The following DMD variants were observed in gnomAD, a reference collection of about 807,000 sequenced individuals.
DMD encodes the protein dystrophin, also known as mutant dystrophin.
In DMD, 63 loss-of-function variants were observed where a neutral mutation model predicts 330.1. The ratio of observed to expected loss-of-function variants is 0.19; its 90% confidence interval spans 0.16 to 0.24. DMD has a LOEUF of 0.24. Among genes scored for constraint, DMD ranks in the 10% least tolerant of loss-of-function variants. The pLI is 1.00. For synonymous variants in DMD, 1,223 were observed against 959.8 expected, an observed-to-expected ratio of 1.27 and a Z score of -5.07; for missense variants, 3,344 against 2,684.1, an observed-to-expected ratio of 1.25 and a Z score of -5.43.
intron 7 of DMD, among the ~76,000 whole-genome samples, chrX:32,741,897 C>T (rs1038913376): frequency 7.2e-5 from 8 of 111,764 alleles, no homozygotes; most frequent in African/African-American, 3.3e-5. Flanking sequence ...AAGTTGAAGC[C>T]GCTTGATGTT....
At chrX:33,337,000 C>T (rs749836582) in intron 1 of DMD, among the ~76,000 whole-genome samples, 2 of 111,499 alleles carry the variant, frequency 1.8e-5, no homozygotes, top group Non-Finnish European at 3.8e-5. Flanking sequence ...AGCGTCTGTC[C>T]AATCCATTCA....
intron 44 of DMD, among the ~76,000 whole-genome samples, chrX:32,000,404 T>C (rs1383547315): frequency 8.9e-6 from 1 of 112,097 alleles, no homozygotes; most frequent in African/African-American, 3.2e-5. Context: ...AATGTTCAAA[T>C]AAAAAACAGT....
intron 2 of DMD, among the ~76,000 whole-genome samples, chrX:32,997,931 C>T (rs1019943883): frequency 4.5e-5 from 5 of 112,040 alleles, no homozygotes; most frequent in African/African-American, 9.8e-5. Flanking sequence ...TCTCAAAAAA[C>T]GTATTGTTCT....
intron 53 of DMD, among the ~76,000 whole-genome samples, chrX:31,659,011 G>C (rs2080955106): frequency 1.8e-5 from 2 of 111,764 alleles, no homozygotes; most frequent in Non-Finnish European, 3.8e-5. Context: ...GTTCAAACAA[G>C]AGAAAGAGTG....
At chrX:32,793,613 T>A (rs1422197176) in intron 7 of DMD, among the ~76,000 whole-genome samples, 1 of 110,761 alleles carries the variant, frequency 9.0e-6, no homozygotes, top group Non-Finnish European at 1.9e-5. Context: ...AATAAAAAGT[T>A]CAGAGACTAT....
rs181346987 is a variant in DMD at position 33,009,596 on chromosome X, G to A, written c.93+10543C>T. On this transcript the variant is annotated intron_variant, in intron 2 of 78. Coordinates refer to ENST00000357033, the MANE Select transcript of DMD (RefSeq NM_004006.3). Reference sequence around the variant, plus strand: ...TATATACACATATGTGTGTATGTGTGTATGTGTATATACACATATGTGTGT... The same window carrying A: ...TATATACACATATGTGTGTATGTGTATATGTGTATATACACATATGTGTGT... Among the ~76,000 whole-genome samples the A allele has an allele frequency of 5.9e-4, 19 of 32,324 alleles. 5 individuals carry two copies. The highest frequency in any genetic ancestry group is 2.0e-3 in the African/African-American group (18 of 8,797). The allele number at this position is 32,324 out of a possible 115,157, so 28.1% of individuals were successfully genotyped here. A position where few individuals can be genotyped will look rare whatever the true frequency, so the allele number is the denominator to read the frequency against.
intron 5 of DMD, among the ~76,000 whole-genome samples, chrX:32,822,604 T>TAC (rs1337534227): frequency 9.1e-6 from 1 of 110,238 alleles, no homozygotes; most frequent in Admixed American, 9.7e-5. Context: ...TGTATATATA[T>TAC]ACATATATAA....
intron 2 of DMD, among the ~76,000 whole-genome samples, chrX:32,979,966 T>C (rs2092659017): frequency 9.0e-6 from 1 of 111,648 alleles, no homozygotes; most frequent in African/African-American, 3.3e-5. Flanking sequence ...GGTAGAGCCC[T>C]ATAGGTTGTG....
intron 2 of DMD, among the ~76,000 whole-genome samples, chrX:32,920,460 G>T (rs1422692375): frequency 9.1e-6 from 1 of 110,309 alleles, no homozygotes; most frequent in Non-Finnish European, 1.9e-5. Context: ...GCTCCTTGGA[G>T]AGTCTACATT....
At chrX:31,339,335 C>T (rs1006690404) in intron 61 of DMD, among the ~76,000 whole-genome samples, 3 of 111,599 alleles carry the variant, frequency 2.7e-5, no homozygotes, top group Non-Finnish European at 5.6e-5. Context: ...ACTGCTGTAG[C>T]TGCTTTTTAT....
At chrX:32,889,135 G>A (rs2084945347) in intron 2 of DMD, among the ~76,000 whole-genome samples, 1 of 110,255 alleles carries the variant, frequency 9.1e-6, no homozygotes, top group Non-Finnish European at 1.9e-5. Flanking sequence ...TCCAGCCCAG[G>A]AATGCAACAA....
intron 44 of DMD, among the ~76,000 whole-genome samples, chrX:32,131,055 C>T (rs965797907): frequency 1.8e-5 from 2 of 110,562 alleles, no homozygotes; most frequent in Non-Finnish European, 3.8e-5. Context: ...CATGGTGGCG[C>T]ATGCCTGTAA....
intron 47 of DMD, among the ~76,000 whole-genome samples, chrX:31,911,825 C>T (rs1381772926): frequency 9.0e-6 from 1 of 111,216 alleles, no homozygotes; most frequent in Non-Finnish European, 1.9e-5. Flanking sequence ...TACAACTACA[C>T]GAGAAGTTGC....
At chrX:32,181,907 A>G (rs1419765293) in intron 44 of DMD, among the ~76,000 whole-genome samples, 3 of 112,336 alleles carry the variant, frequency 2.7e-5, no homozygotes, top group African/African-American at 9.7e-5. Flanking sequence ...TTCCACCAGA[A>G]TTGCAATTAT....
intron 44 of DMD, among the ~76,000 whole-genome samples, chrX:32,216,690 G>A (rs1466042780): frequency 9.0e-6 from 1 of 111,259 alleles, no homozygotes; most frequent in African/African-American, 3.3e-5. Flanking sequence ...CAGTTTATCA[G>A]ATAAACCAGC....
intron 44 of DMD, among the ~76,000 whole-genome samples, chrX:32,130,035 T>C (rs1360074305): frequency 2.7e-5 from 3 of 109,276 alleles, no homozygotes; most frequent in East Asian, 2.9e-4. Flanking sequence ...CTGGCTTTTT[T>C]CCCCCTTACG....
Position 32,310,256 on chromosome X carries a change from C to T in DMD, c.5943G>A (p.Thr1981=), listed in dbSNP as rs757497844. Residue 1981 remains threonine (T), a synonymous_variant, in exon 42 of 79, where the codon ACG becomes ACA. Transcript: ENST00000357033. Reference sequence around the variant, plus strand: ...GCATGTCTTCAGTCATCACCATCATCGTTTCTTCACGGACAGTGTGCTGGT... The same window carrying T: ...GCATGTCTTCAGTCATCACCATCATTGTTTCTTCACGGACAGTGTGCTGGT... ...FAQIHTVREE[T]MMVMTEDMPL... is the part of the protein sequence containing the mutation. 5.0e-6 allele frequency: 6 copies of T among 1,206,771 alleles called. No individual in the cohort carries two copies. Among genetic ancestry groups the T allele is most frequent in the Non-Finnish European group, 5.6e-6 (5 of 892,996 alleles).
At chrX:32,302,568 T>C (rs369496993) in intron 42 of DMD, among the ~76,000 whole-genome samples, 7 of 111,642 alleles carry the variant, frequency 6.3e-5, no homozygotes, top group African/African-American at 2.3e-4. Context: ...TTTACGTATA[T>C]TTTATGTGGT....
At chrX:31,490,691 A>T (rs1307311290) in intron 57 of DMD, among the ~76,000 whole-genome samples, 3 of 112,827 alleles carry the variant, frequency 2.7e-5, no homozygotes, top group African/African-American at 9.7e-5. Context: ...AAATCTTAAC[A>T]TTCACAAATG....
Sources: gnomAD v4.1 joint callset for allele counts (sites outside exome capture counted in the v4.1 genomes callset) on GRCh38, gnomAD v4.1.1 for gene constraint, MANE v1.5 for transcripts, NCBI Gene and HGNC (gene_info 2026-07-23, HGNC 2026-07-21) for gene names.